The following FHAD1 variants were observed in gnomAD, a reference collection of about 807,000 sequenced individuals.
FHAD1 encodes the protein forkhead associated phosphopeptide binding domain 1.
FHAD1 carries 146 observed loss-of-function variants against 191.3 expected under a neutral mutation model. The ratio of observed to expected loss-of-function variants is 0.76; its 90% CI spans 0.67 to 0.88. FHAD1 has a LOEUF of 0.88. Ranked by LOEUF, FHAD1 falls within the 40% of genes least tolerant of loss-of-function variation. FHAD1 has a pLI of 0.00. For missense variants in FHAD1, 1,635 were observed against 1,785.8 expected (o/e 0.92, Z 1.52); for synonymous variants, 616 against 672.3 (o/e 0.92, Z 1.29).
At position 15,345,174 on chromosome 1, in the gene FHAD1, T is replaced by C; in HGVS notation, c.2222T>C (p.Leu741Pro). Residue 741 changes from leucine (L) to proline (P), a missense_variant, in exon 17 of 34, where the codon CTG becomes CCG. Coordinates refer to ENST00000688493, the MANE Select transcript of FHAD1 (RefSeq NM_001391957.1). ...AGAATGCAAGAACTGGAGAGCCTCC[T>C]GGCCCAGCAGAAGAAGGTATGTGGC... The part of the protein sequence containing the change: ...RKRMQELESL[L>P]AQQKKALAKS... 6.4e-7 allele frequency: 1 copy of C among 1,551,520 alleles called. No individual in the cohort carries two copies. The highest frequency in any genetic ancestry group is 2.4e-5 in the East Asian group (1 of 40,894).
At chr1:15,331,256 G>T (rs910101107) in intron 14 of FHAD1, among the ~76,000 whole-genome samples, 9 of 151,958 alleles carry the variant, frequency 5.9e-5, no homozygotes, top group Non-Finnish European at 1.2e-4. Flanking sequence ...CTTGTCTGGG[G>T]ATAGGTAATA....
At chr1:15,357,857 C>T (rs1570147390) in intron 20 of FHAD1, 1 of 371,690 alleles carries the variant, frequency 2.7e-6, no homozygotes, top group East Asian at 5.1e-5. Flanking sequence ...ATAAAACATA[C>T]TCAATGAGCT....
At chr1:15,347,837 A>G (rs1013529957) in intron 18 of FHAD1, among the ~76,000 whole-genome samples, 1 of 152,244 alleles carries the variant, frequency 6.6e-6, no homozygotes, top group Non-Finnish European at 1.5e-5. Flanking sequence ...TCTTGAGGTC[A>G]TGTTCAAAGT....
intron 19 of FHAD1, among the ~76,000 whole-genome samples, chr1:15,352,599 C>T (rs1691276549): frequency 1.3e-5 from 2 of 152,166 alleles, no homozygotes; most frequent in African/African-American, 4.8e-5. Flanking sequence ...AGGACCCAAC[C>T]ATTCACCAGC....
At chr1:15,394,398 T>C (rs551811791) in intron 33 of FHAD1, among the ~76,000 whole-genome samples, 1 of 152,160 alleles carries the variant, frequency 6.6e-6, no homozygotes, top group Non-Finnish European at 1.5e-5. Flanking sequence ...TGAAAAGGAA[T>C]ATAAAGTAAG....
chr1:15,374,388 C>A (rs1002831361), intron 26 of FHAD1, 114 bp from the exon 27 acceptor site: 1 of 1,293,780 alleles, frequency 7.7e-7, no homozygotes, highest in Non-Finnish European at 1.0e-6. Context: ...TGCTATTTTT[C>A]CAAAGGTGCT....
Position 15,397,313 on chromosome 1 carries a change from C to T in FHAD1, c.4340C>T (p.Ala1447Val). 6.5e-7 allele frequency: 1 copy of T among 1,528,340 alleles called. No individual in the cohort carries two copies. The highest frequency in any genetic ancestry group is 8.8e-7 in the Non-Finnish European group (1 of 1,132,394). The allele number at this position is 1,528,340 out of a possible 1,614,324, so 94.7% of individuals were successfully genotyped here. A position where few individuals can be genotyped will look rare whatever the true frequency, so the allele number is the denominator to read the frequency against. The change falls in exon 34 of 34, where the codon GCC becomes GTC. Residue 1447 changes from alanine (A) to valine (V), a missense_variant. Coordinates refer to ENST00000688493, the MANE Select transcript of FHAD1 (RefSeq NM_001391957.1). ...TTGTTAAAGGTTGGAACCAGAAAAG[C>T]CTCCCTAAAGATGGACCAAGAAAGA... is the stretch of plus-strand genomic sequence containing the variant. ...NSNSQVGTRK[A>V]SLKMDQEREM...
At chr1:15,255,772 A>G (rs1182105831) in intron 2 of FHAD1, among the ~76,000 whole-genome samples, 1 of 152,246 alleles carries the variant, frequency 6.6e-6, no homozygotes, top group Non-Finnish European at 1.5e-5. Flanking sequence ...GCCCTGGGGT[A>G]GAAGAGCATA....
chr1:15,322,891 G>A (rs1319989128), intron 10 of FHAD1, among the ~76,000 whole-genome samples: 1 of 152,224 alleles, frequency 6.6e-6, no homozygotes, highest in Admixed American at 6.5e-5. Flanking sequence ...AAGAAAAAGA[G>A]GTTTAATTGG....
At position 15,316,365 on chromosome 1, in the gene FHAD1, C is replaced by T; in HGVS notation, c.1171-13C>T. The T allele has an allele frequency of 4.5e-6, 7 of 1,551,008 alleles. No homozygotes were observed. The highest frequency in any genetic ancestry group is 4.4e-6 in the Non-Finnish European group (5 of 1,146,616). Reference sequence around the variant, plus strand: ...AACGTTGGCCTCTTTCTGTGTTGCCCTTTTCTCCACAGTGCTCGGTGCTAA... The same window carrying T: ...AACGTTGGCCTCTTTCTGTGTTGCCTTTTTCTCCACAGTGCTCGGTGCTAA... On this transcript the variant is annotated splice_polypyrimidine_tract_variant and intron_variant, in intron 8 of 33. Coordinates refer to ENST00000688493, the MANE Select transcript of FHAD1 (RefSeq NM_001391957.1). This position sits in a 1 kb window ranked among gnomAD's most constrained non-coding sequence, Gnocchi z 4.3.
chr1:15,267,802 A>T (rs1207972204), intron 2 of FHAD1, among the ~76,000 whole-genome samples: 1 of 147,370 alleles, frequency 6.8e-6, no homozygotes, highest in African/African-American at 2.5e-5. Flanking sequence ...TATAAATGAT[A>T]TATAAATTAT....
At chr1:15,252,124 C>T (rs1291903460) in intron 2 of FHAD1, among the ~76,000 whole-genome samples, 1 of 152,226 alleles carries the variant, frequency 6.6e-6, no homozygotes, top group Non-Finnish European at 1.5e-5. Flanking sequence ...GCATCTGTCA[C>T]TGTCCCACCC....
In FHAD1 at chr1:15,373,100, T is replaced by C. The variant is rs192039093; in HGVS notation, c.3448-1402T>C. On this transcript the variant is annotated intron_variant, in intron 26 of 33. Transcript: ENST00000688493. ...TTTAGCTCAGAGTTTATGAATGGAC[T>C]TCAGGAGGTCTTGACCCTCTGGACG... 8.5e-5 allele frequency among the ~76,000 whole-genome samples: 13 copies of C among 152,368 alleles called. No individual in the cohort carries two copies. The East Asian group carries it at 2.5e-3, about 29-fold the overall frequency.
In FHAD1 at chr1:15,316,271, C is replaced by A; in HGVS notation, c.1171-107C>A. The A allele has an allele frequency of 1.2e-6, 1 of 841,348 alleles. No individual in the cohort carries two copies. The highest frequency in any genetic ancestry group is 1.9e-6 in the Non-Finnish European group (1 of 524,442). The allele number at this position is 841,348 out of a possible 1,614,324, so 52.1% of individuals were successfully genotyped here. Reference sequence around the variant, plus strand: ...TCAGTGCGTGACTGGATGGAAACAGCAGGAAATGCTCTCAGGGGCTCACAT... The same window carrying A: ...TCAGTGCGTGACTGGATGGAAACAGAAGGAAATGCTCTCAGGGGCTCACAT... On this transcript the variant is annotated intron_variant, in intron 8 of 33. Coordinates refer to ENST00000688493, the MANE Select transcript of FHAD1 (RefSeq NM_001391957.1). This position sits in a 1 kb window ranked among gnomAD's most constrained non-coding sequence, Gnocchi z 4.3.
chr1:15,308,709 T>C lies in FHAD1; in HGVS notation c.1012T>C (p.Leu338=). The C allele has an allele frequency of 6.4e-7, 1 of 1,551,698 alleles. No individual in the cohort carries two copies. ...ITSLKNEGEN[L]KRDNAITSGM... Reference sequence around the variant, plus strand: ...ATCCCTGAAGAATGAGGGCGAGAACTTAAAGAGAGACAACGCTATCACATC... The same window carrying C: ...ATCCCTGAAGAATGAGGGCGAGAACCTAAAGAGAGACAACGCTATCACATC... The change falls in exon 7 of 34, where the codon TTA becomes CTA. Residue 338 remains leucine (L), a synonymous_variant. Coordinates refer to ENST00000688493, the MANE Select transcript of FHAD1 (RefSeq NM_001391957.1).
intron 15 of FHAD1, 140 bp from the exon 16 acceptor site, chr1:15,341,596 C>A: frequency 1.6e-6 from 1 of 613,020 alleles, no homozygotes; most frequent in African/African-American, 1.9e-5. Flanking sequence ...CCACAGCATG[C>A]TGTAGTGTTC....
At position 15,341,899 on chromosome 1, in the gene FHAD1, C is replaced by T; in HGVS notation, c.2130+11C>T. Reference sequence around the variant, plus strand: ...ACGGAAGAGAAGGCGGTAAGGTGGTCCCTGCCATTTGCTTTACTACTGGAA... The same window carrying T: ...ACGGAAGAGAAGGCGGTAAGGTGGTTCCTGCCATTTGCTTTACTACTGGAA... On this transcript the variant is annotated intron_variant, in intron 16 of 33. Coordinates refer to ENST00000688493, the MANE Select transcript of FHAD1 (RefSeq NM_001391957.1). 6.5e-7 allele frequency: 1 copy of T among 1,549,698 alleles called. No individual in the cohort carries two copies. Among genetic ancestry groups the T allele is most frequent in the Non-Finnish European group, 8.7e-7 (1 of 1,145,920 alleles).
At chr1:15,324,631 T>A in intron 11 of FHAD1, 72 bp downstream of exon 11, 1 of 1,120,774 alleles carries the variant, frequency 8.9e-7, no homozygotes, top group South Asian at 1.3e-5. Flanking sequence ...CCAGTGGGGG[T>A]GAGAGAGGAG....
chr1:15,286,981 C>T (rs948657870), intron 3 of FHAD1: 1 of 152,246 alleles, frequency 6.6e-6, no homozygotes, highest in African/African-American at 2.4e-5. Context: ...GGAGTTTGCC[C>T]GCTGTCATCT....
Sources: allele counts gnomAD v4.1 joint callset (sites outside exome capture counted in the v4.1 genomes callset), GRCh38; gene constraint gnomAD v4.1.1; non-coding constraint Gnocchi (gnomAD v3.1); transcripts MANE v1.5; gene names NCBI Gene and HGNC (gene_info 2026-07-23, HGNC 2026-07-21).